The following ARFGAP2 variants were observed in gnomAD, a reference collection of about 807,000 sequenced individuals.
ARFGAP2 encodes the protein ADP-ribosylation factor GTPase-activating protein 2.
Under a neutral mutation model 71.9 loss-of-function variants are expected in ARFGAP2, and 45 were observed. That is an observed-to-expected ratio of 0.63 (90% CI 0.49 to 0.80). ARFGAP2 has a LOEUF of 0.80. ARFGAP2 is among the 30% of genes least tolerant of loss of function. The pLI is 0.00. For synonymous variants in ARFGAP2, 248 were observed against 249.2 expected (o/e 1.00, Z 0.05); for missense variants, 633 against 673.9 (o/e 0.94, Z 0.67).
At position 47,171,768 on chromosome 11, in the gene ARFGAP2, C is replaced by G; in HGVS notation, c.705G>C (p.Lys235Asn). 1 of 1,614,012 alleles carries G rather than the reference C, an allele frequency of 6.2e-7. No homozygotes were observed. The highest frequency in any genetic ancestry group is 8.5e-7 in the Non-Finnish European group (1 of 1,180,052). ...TCTCACTGAAGCTCTGGCTGCTCAC[C>G]TTCTGGGCCCCTAGGCCTTTCTTGG... ...LGAKKGLGAQ[K>N]VSSQSFSEIE... Residue 235 changes from lysine to asparagine, a missense_variant, in exon 9 of 16, where the codon AAG becomes AAC. Transcript: ENST00000524782.
At chr11:47,171,248 C>T (rs1230189441) in intron 10 of ARFGAP2, among the ~76,000 whole-genome samples, 178 bp downstream of exon 10, 2 of 152,256 alleles carry the variant, frequency 1.3e-5, no homozygotes, top group Non-Finnish European at 2.9e-5. Context: ...ATTCAACTTA[C>T]TGAGCACATA....
chr11:47,176,513 T>C lies in ARFGAP2; in HGVS notation c.191+3A>G, dbSNP rs1264390273. ...AAACACGGCAACCGCGCGGAGAGCC[T>C]ACCTGATGAAGCTCAGATGGACGCC... is the stretch of plus-strand genomic sequence containing the variant. On this transcript the variant is annotated splice_donor_region_variant and intron_variant, in intron 2 of 15. Transcript: ENST00000524782. 3 of 1,612,932 alleles carry C rather than the reference T, an allele frequency of 1.9e-6. No individual in the cohort carries two copies. In the South Asian group the frequency reaches 3.3e-5, roughly 18 times the overall value.
chr11:47,169,031 A>C (rs74718004), intron 10 of ARFGAP2, among the ~76,000 whole-genome samples: 1 of 151,900 alleles, frequency 6.6e-6, no homozygotes, highest in African/African-American at 2.4e-5. Flanking sequence ...AAAAAAAAAA[A>C]AGCCAGGCAC....
chr11:47,168,190 C>T lies in ARFGAP2; in HGVS notation c.1003G>A (p.Ala335Thr). ...TCCAGCTGCGAGCGAGAGGATTTTG[C>T]ACTCACTGGGGTTTCCTGCTCAATC... ...QVIEQETPVS[A>T]KSSRSQLDLF... Residue 335 changes from alanine to threonine, a missense_variant, in exon 11 of 16, where the codon GCA becomes ACA. Ala to Thr is a moderately conservative substitution (Grantham distance 58, BLOSUM62 0). Transcript: ENST00000524782. 1 of 1,614,216 alleles carries T rather than the reference C, an allele frequency of 6.2e-7. No homozygotes were observed. Among genetic ancestry groups the T allele is most frequent in the Non-Finnish European group, 8.5e-7 (1 of 1,180,042 alleles).
chr11:47,176,478 G>T (rs374028256), intron 2 of ARFGAP2, 38 bp downstream of exon 2: 2 of 1,587,304 alleles, frequency 1.3e-6, no homozygotes. Flanking sequence ...ACCCCTGGCC[G>T]GCCGGGTGGA....
At position 47,165,239 on chromosome 11, in the gene ARFGAP2, G is replaced by C; in HGVS notation, c.*243C>G. Reference sequence around the variant, plus strand: ...CTGTGGGGGCAGGACAGAAGGACAAGAGTCTAACACACGGAGGGTGGTGTG... The same window carrying C: ...CTGTGGGGGCAGGACAGAAGGACAACAGTCTAACACACGGAGGGTGGTGTG... On this transcript the variant is annotated 3_prime_UTR_variant, in exon 16 of 16. Transcript: ENST00000524782. 2 of 408,612 alleles carry C rather than the reference G, an allele frequency of 4.9e-6. No individual in the cohort carries two copies. The highest frequency in any genetic ancestry group is 8.6e-6 in the Non-Finnish European group (2 of 232,990). The allele number at this position is 408,612 out of a possible 1,614,324, so 25.3% of individuals were successfully genotyped here.
intron 13 of ARFGAP2, 67 bp from the exon 14 acceptor site, chr11:47,166,666 G>A: frequency 1.2e-6 from 2 of 1,601,624 alleles, no homozygotes; most frequent in Non-Finnish European, 1.7e-6. Context: ...ACACAGGCCA[G>A]GCCCTCCTGG....
At chr11:47,173,399 C>A in intron 7 of ARFGAP2, 27 bp downstream of exon 7, 1 of 1,551,868 alleles carries the variant, frequency 6.4e-7, no homozygotes, top group Non-Finnish European at 8.7e-7. Flanking sequence ...TCCCAGACAC[C>A]CCACGCCTGC....
chr11:47,176,732 C>T lies in ARFGAP2; in HGVS notation c.72+50G>A, dbSNP rs1321659751. 6.2e-6 allele frequency: 10 copies of T among 1,612,976 alleles called. No homozygotes were observed. The Middle Eastern group carries it at 8.3e-4, about 133-fold the overall frequency. On this transcript the variant is annotated intron_variant, in intron 1 of 15. Coordinates refer to ENST00000524782, the MANE Select transcript of ARFGAP2 (RefSeq NM_032389.6). ...TAACCCACCTCCGCCCTTCTCCCTC[C>T]CTCAGGCCCCAGCGGGACGAGAGAC...
At position 47,166,519 on chromosome 11, in the gene ARFGAP2, T is replaced by C; in HGVS notation, c.1413A>G (p.Gly471=). ...CCAGGGCCCTACCTGCTCCGTGAGCTCCATCCATGTCCCCAAAGAGGTCTG... is the reference window on the plus strand; with the variant it reads ...CCAGGGCCCTACCTGCTCCGTGAGCCCCATCCATGTCCCCAAAGAGGTCTG... The part of the protein sequence containing the change: ...SSSDLFGDMD[G]AHGAGSVSLG... Residue 471 remains glycine, a synonymous_variant, in exon 14 of 16, where the codon GGA becomes GGG. Coordinates refer to ENST00000524782, the MANE Select transcript of ARFGAP2 (RefSeq NM_032389.6). 1 of 1,612,754 alleles carries C rather than the reference T, an allele frequency of 6.2e-7. No individual in the cohort carries two copies. The highest frequency in any genetic ancestry group is 8.5e-7 in the Non-Finnish European group (1 of 1,180,000).
chr11:47,176,121 T>C (rs1267389981), intron 2 of ARFGAP2, 198 bp from the exon 3 acceptor site: 2 of 614,990 alleles, frequency 3.3e-6, no homozygotes, highest in Non-Finnish European at 5.7e-6. Context: ...ACTAATTATG[T>C]CCCCAGATCC....
Position 47,171,563 on chromosome 11 carries a change from G to C in ARFGAP2, c.810-6C>G, listed in dbSNP as rs1488851982. ...CCAGACGCATGGAGGCGACCCTTAG[G>C]GGGAACAAAGGTGTCAGTGGCCACC... On this transcript the variant is annotated splice_region_variant and splice_polypyrimidine_tract_variant and intron_variant, in intron 9 of 15. Coordinates refer to ENST00000524782, the MANE Select transcript of ARFGAP2 (RefSeq NM_032389.6). 1 of 1,614,152 alleles carries C rather than the reference G, an allele frequency of 6.2e-7. No homozygotes were observed. Among genetic ancestry groups the C allele is most frequent in the Non-Finnish European group, 8.5e-7 (1 of 1,180,008 alleles).
Position 47,167,949 on chromosome 11 carries a change from G to A in ARFGAP2, c.1165C>T (p.Pro389Ser). The A allele has an allele frequency of 1.2e-6, 2 of 1,613,478 alleles. No individual in the cohort carries two copies. The highest frequency in any genetic ancestry group is 1.1e-5 in the South Asian group (1 of 91,048). Residue 389 changes from proline (P) to serine (S), a missense_variant, in exon 12 of 16, where the codon CCA (proline) becomes TCA (serine). By Grantham distance (74) the Pro-to-Ser change is moderately conservative (BLOSUM62 -1). Coordinates refer to ENST00000524782, the MANE Select transcript of ARFGAP2 (RefSeq NM_032389.6). ...WGMDRVEEKEPEVTISSIRPI... is the reference protein window; with the variant it reads ...WGMDRVEEKESEVTISSIRPI... ...CGGATGCTTGAGATGGTCACTTCTG[G>A]CTCCTTCTCCTCTACCCTGTCCATA...
At position 47,168,161 on chromosome 11, in the gene ARFGAP2, C is replaced by T. The variant is rs544068883; in HGVS notation, c.1032G>A (p.Leu344=). ...SAKSSRSQLD[L]FDDVGTFASG... The stretch of plus-strand genomic sequence containing the variant: ...AGGCGAAAGTACCAACATCGTCAAA[C>T]AAGTCCAGCTGCGAGCGAGAGGATT... The change falls in exon 11 of 16, where the codon TTG becomes TTA. Residue 344 remains leucine (L), a synonymous_variant. Coordinates refer to ENST00000524782, the MANE Select transcript of ARFGAP2 (RefSeq NM_032389.6). 1 of 1,614,238 alleles carries T rather than the reference C, an allele frequency of 6.2e-7. No individual in the cohort carries two copies. Among genetic ancestry groups the T allele is most frequent in the Non-Finnish European group, 8.5e-7 (1 of 1,180,044 alleles).
intron 12 of ARFGAP2, among the ~76,000 whole-genome samples, 165 bp downstream of exon 12, chr11:47,167,744 T>G (rs1210416372): frequency 6.6e-6 from 1 of 152,016 alleles, no homozygotes; most frequent in Non-Finnish European, 1.5e-5. Flanking sequence ...CCAACCACAT[T>G]TTAAGGGCTC....
At chr11:47,173,893 G>GAAGCACCAAGACCTAC (rs1326444546) in intron 5 of ARFGAP2, 53 bp from the exon 6 acceptor site, 1 of 1,554,706 alleles carries the variant, frequency 6.4e-7, no homozygotes, top group Non-Finnish European at 8.7e-7. Context: ...CTGCTGGCAA[G>GAAGCACCAAGACCTAC]AAGCACCAAG....
At chr11:47,172,958 G>T in intron 7 of ARFGAP2, 2 of 369,158 alleles carry the variant, frequency 5.4e-6, no homozygotes, top group Non-Finnish European at 1.0e-5. Context: ...TGGACTGTTC[G>T]CCCTGAACCA....
At position 47,165,522 on chromosome 11, in the gene ARFGAP2, A is replaced by T. The variant is rs574671657; in HGVS notation, c.1546-20T>A. ...GCGATCCTGGGGGCGAGGGGGGAGAAAAAAAAAAAAAAAGTCAGAGGCTCT... is the reference window on the plus strand; with the variant it reads ...GCGATCCTGGGGGCGAGGGGGGAGATAAAAAAAAAAAAAGTCAGAGGCTCT... On this transcript the variant is annotated intron_variant, in intron 15 of 15. Transcript: ENST00000524782. 3 of 632,936 alleles carry T rather than the reference A, an allele frequency of 4.7e-6. No homozygotes were observed. The highest frequency in any genetic ancestry group is 6.4e-6 in the Non-Finnish European group (3 of 466,464). 39.2% of individuals were successfully genotyped at this position (632,936 alleles called of 1,614,324 possible). A position where few individuals can be genotyped will look rare whatever the true frequency, so the allele number is the denominator to read the frequency against.
Position 47,167,980 on chromosome 11 carries a change from G to A in ARFGAP2, c.1134C>T (p.Ala378=). 4 of 1,614,092 alleles carry A rather than the reference G, an allele frequency of 2.5e-6. No individual in the cohort carries two copies. In the South Asian group the frequency reaches 3.3e-5, roughly 13 times the overall value. ...SFGSRWDTDA[A]WGMDRVEEKE... ...TCTCCTCTACCCTGTCCATACCCCA[G>A]GCAGCATCTGTATCCCAGCGGGAGC... The change falls in exon 12 of 16, where the codon GCC becomes GCT. Residue 378 remains alanine, a synonymous_variant. Transcript: ENST00000524782.
Sources: allele counts gnomAD v4.1 joint callset (sites outside exome capture counted in the v4.1 genomes callset), GRCh38; gene constraint gnomAD v4.1.1; transcripts MANE v1.5; gene names NCBI Gene and HGNC (gene_info 2026-07-23, HGNC 2026-07-21).